The following SLC5A11 variants were observed in gnomAD, a reference collection of about 807,000 sequenced individuals.
The protein encoded by SLC5A11 is sodium/myo-inositol cotransporter 2.
In SLC5A11, 48 loss-of-function variants were observed where a neutral mutation model predicts 69.8. The observed-to-expected ratio is 0.69, with a 90% confidence interval of 0.55 to 0.87. The LOEUF (loss-of-function observed/expected upper bound fraction) is 0.87. SLC5A11 is among the 40% of genes least tolerant of loss of function. SLC5A11 has a pLI of 0.00. For synonymous variants in SLC5A11, 319 were observed against 342.4 expected (o/e 0.93, Z 0.75); for missense variants, 784 against 866.1 (o/e 0.91, Z 1.19).
intron 10 of SLC5A11, among the ~76,000 whole-genome samples, chr16:24,899,139 G>A (rs1331125339): frequency 6.6e-6 from 1 of 152,120 alleles, no homozygotes; most frequent in Admixed American, 6.6e-5. Flanking sequence ...TCCTAGTGAT[G>A]AGACTGAGGC....
intron 1 of SLC5A11, among the ~76,000 whole-genome samples, chr16:24,855,582 CAG>C (rs992949877): frequency 2.0e-5 from 3 of 151,824 alleles, no homozygotes; most frequent in African/African-American, 7.3e-5. Flanking sequence ...GCCTGAGTAA[CAG>C]AGCAAAACTC....
chr16:24,868,612 G>T (rs1274156526), intron 3 of SLC5A11, among the ~76,000 whole-genome samples: 3 of 124,098 alleles, frequency 2.4e-5, no homozygotes, highest in Non-Finnish European at 5.2e-5. Flanking sequence ...AAAAAAAAAA[G>T]AGACTCACAC....
intron 5 of SLC5A11, among the ~76,000 whole-genome samples, chr16:24,874,738 T>C (rs1013545749): frequency 6.6e-6 from 1 of 151,968 alleles, no homozygotes; most frequent in Non-Finnish European, 1.5e-5. Flanking sequence ...ACAGCCACCA[T>C]GCCCAGCTAA....
intron 10 of SLC5A11, 59 bp from the exon 12 acceptor site, chr16:24,906,598 C>T (rs2050078520): frequency 1.8e-6 from 2 of 1,142,556 alleles, no homozygotes; most frequent in African/African-American, 1.6e-5. Flanking sequence ...CCCATGTTGC[C>T]TGGGCCTGGG....
rs11286846 is a variant in SLC5A11 at position 24,891,310 on chromosome 16, C to CTT, written c.870+255_870+256dup. Among the ~76,000 whole-genome samples the CTT allele has an allele frequency of 7.7e-4, 79 of 102,156 alleles. 2 individuals carry two copies. The highest frequency in any genetic ancestry group is 9.0e-4 in the Non-Finnish European group (46 of 51,218). 67.0% of individuals were successfully genotyped at this position (102,156 alleles called of 152,430 possible). On this transcript the variant is annotated intron_variant, in intron 9 of 15. Coordinates refer to ENST00000347898, the Ensembl canonical transcript of SLC5A11. ...AAGGGGAAAACTCAACACACTCTGC[C>CTT]TTTTTTTTTTTTTTTTTTTTCTGAG...
chr16:24,876,590 G>A (rs368098999), intron 6 of SLC5A11, among the ~76,000 whole-genome samples: 7 of 152,168 alleles, frequency 4.6e-5, no homozygotes, highest in Admixed American at 1.3e-4. Context: ...AGCAGAAGGG[G>A]TTCCGTTCAA....
chr16:24,876,651 AAC>A (rs749639677), intron 6 of SLC5A11, among the ~76,000 whole-genome samples: 7 of 152,196 alleles, frequency 4.6e-5, no homozygotes, highest in Non-Finnish European at 8.8e-5. Flanking sequence ...CAGGACAGAC[AAC>A]ACAGGCTCCT....
intron 6 of SLC5A11, chr16:24,876,985 A>T: frequency 1.1e-6 from 1 of 916,916 alleles, no homozygotes; most frequent in Non-Finnish European, 1.4e-6. Context: ...ATGGTATTTA[A>T]TGAAGGTTGC....
intron 5 of SLC5A11, 128 bp from the exon 7 acceptor site, chr16:24,875,499 G>A (rs896972497): frequency 1.9e-5 from 14 of 730,010 alleles, no homozygotes; most frequent in Non-Finnish European, 3.3e-5. Context: ...GTATCAGGTT[G>A]AGAATCCCAA....
At chr16:24,849,113 C>A (rs1271931864) in intron 1 of SLC5A11, among the ~76,000 whole-genome samples, 2 of 152,158 alleles carry the variant, frequency 1.3e-5, no homozygotes, top group East Asian at 1.9e-4. Context: ...GATAAGTGAA[C>A]AAATGGACTA....
At chr16:24,892,313 T>G (rs1225650134) in intron 9 of SLC5A11, among the ~76,000 whole-genome samples, 1 of 151,836 alleles carries the variant, frequency 6.6e-6, no homozygotes, top group Non-Finnish European at 1.5e-5. Flanking sequence ...AGCGAGAGCT[T>G]CCTGTGATTT....
At chr16:24,858,664 C>G (rs1256853547) in exon 2 of SLC5A11, 4 of 1,610,474 alleles carry the variant, frequency 2.5e-6, no homozygotes, top group Middle Eastern at 2.2e-4. Context: ...GCACCAGCAG[C>G]CCTCAGCCTC....
intron 10 of SLC5A11, among the ~76,000 whole-genome samples, chr16:24,900,099 C>T (rs1240897694): frequency 6.6e-6 from 1 of 152,030 alleles, no homozygotes; most frequent in African/African-American, 2.4e-5. Context: ...AGGTTTATAC[C>T]ATGGGGATAA....
intron 1 of SLC5A11, among the ~76,000 whole-genome samples, chr16:24,851,222 C>T (rs1027151478): frequency 1.3e-5 from 2 of 151,754 alleles, no homozygotes; most frequent in African/African-American, 4.8e-5. Context: ...TCTCAAACTC[C>T]TGGGCTTGGG....
intron 5 of SLC5A11, 32 bp from the exon 7 acceptor site, chr16:24,875,595 G>T: frequency 1.3e-6 from 2 of 1,588,494 alleles, no homozygotes; most frequent in Non-Finnish European, 1.7e-6. Context: ...GGTGAAGTCC[G>T]CTGGTGGTGA....
rs1358280636 is a variant in SLC5A11 at position 24,873,238 on chromosome 16, A to AGAGG, written c.372+1028_372+1031dup. On this transcript the variant is annotated intron_variant, in intron 5 of 15. Transcript: ENST00000347898. ...GGAAGAGAGAAAGGAAGGAATGGAG[A>AGAGG]GAGGGAGGGAGGAAGGAAGGAAGGA... Among the ~76,000 whole-genome samples the AGAGG allele has an allele frequency of 1.2e-3, 127 of 103,824 alleles. 1 individual carries two copies. The highest frequency in any genetic ancestry group is 1.5e-3 in the Admixed American group (14 of 9,048). The allele number at this position is 103,824 out of a possible 152,430, so 68.1% of individuals were successfully genotyped here. A position where few individuals can be genotyped will look rare whatever the true frequency, so the allele number is the denominator to read the frequency against.
intron 7 of SLC5A11, among the ~76,000 whole-genome samples, chr16:24,878,214 A>G (rs1056605950): frequency 6.6e-6 from 1 of 152,220 alleles, no homozygotes; most frequent in Non-Finnish European, 1.5e-5. Flanking sequence ...GTTTTTTCCC[A>G]TTCATGTATC....
chr16:24,867,393 C>T (rs1429610404), intron 3 of SLC5A11, among the ~76,000 whole-genome samples: 1 of 152,010 alleles, frequency 6.6e-6, no homozygotes, highest in Non-Finnish European at 1.5e-5. Context: ...AAACTTACAC[C>T]ACAATGCCCA....
chr16:24,904,952 C>G (rs866916048), intron 10 of SLC5A11, among the ~76,000 whole-genome samples: 1 of 151,932 alleles, frequency 6.6e-6, no homozygotes, highest in Non-Finnish European at 1.5e-5. Flanking sequence ...CCTCCACCCC[C>G]CGACAGGCCC....
Sources: gnomAD v4.1 joint callset for allele counts (sites outside exome capture counted in the v4.1 genomes callset) on GRCh38, gnomAD v4.1.1 for gene constraint, MANE v1.5 for transcripts, NCBI Gene and HGNC (gene_info 2026-07-23, HGNC 2026-07-21) for gene names.